SOX6: variants seen among roughly 807,000 people sequenced by gnomAD.
SOX6 encodes transcription factor SOX-6.
A neutral mutation model predicts 97.8 loss-of-function variants in SOX6; 11 were observed. That is an observed-to-expected ratio of 0.11 (90% CI 0.07 to 0.19). The LOEUF (loss-of-function observed/expected upper bound fraction) is 0.19. SOX6 is among the 10% of genes least tolerant of loss of function. The probability of loss-of-function intolerance (pLI) is 1.00; values close to 1 mark genes in which losing one functional copy is unlikely to be tolerated. For missense variants in SOX6, 810 were observed against 1,039.5 expected (o/e 0.78, Z 3.04); for synonymous variants, 360 against 371.4 (o/e 0.97, Z 0.35).
chr11:16,213,696 T>A (rs1852290715), intron 4 of SOX6, among the ~76,000 whole-genome samples: 1 of 152,156 alleles, frequency 6.6e-6, no homozygotes, highest in Non-Finnish European at 1.5e-5. Flanking sequence ...TAAGTTATGA[T>A]CCATTCCCAC....
chr11:16,633,792 C>T (rs1001263026), intron 3 of SOX6, among the ~76,000 whole-genome samples: 1 of 152,222 alleles, frequency 6.6e-6, no homozygotes, highest in South Asian at 2.1e-4. Flanking sequence ...ATATATGGGG[C>T]CGACTAAAAT....
At chr11:16,199,109 C>A (rs1851865608) in intron 4 of SOX6, among the ~76,000 whole-genome samples, 2 of 152,034 alleles carry the variant, frequency 1.3e-5, no homozygotes, top group Non-Finnish European at 2.9e-5. Context: ...TGATAGACGG[C>A]CAAAGAAATT....
At chr11:16,539,696 T>C (rs1861371765) in intron 4 of SOX6, among the ~76,000 whole-genome samples, 1 of 152,160 alleles carries the variant, frequency 6.6e-6, no homozygotes, top group South Asian at 2.1e-4. Context: ...TAAACACCTC[T>C]ATGCAAATAA....
At chr11:16,025,679 GA>G (rs564658424) in intron 12 of SOX6, among the ~76,000 whole-genome samples, 98 of 152,202 alleles carry the variant, frequency 6.4e-4, no homozygotes, top group African/African-American at 2.2e-3. Flanking sequence ...ATTTTCTTTA[GA>G]AATATAGCTT....
At chr11:16,468,846 G>C (rs1321398183) in intron 1 of SOX6, among the ~76,000 whole-genome samples, 1 of 152,142 alleles carries the variant, frequency 6.6e-6, no homozygotes, top group African/African-American at 2.4e-5. Flanking sequence ...GAAATGCCTA[G>C]CTCAGGCTGT....
At chr11:16,111,723 C>G in intron 7 of SOX6, 80 bp downstream of exon 7, 5 of 1,539,614 alleles carry the variant, frequency 3.2e-6, no homozygotes, top group Non-Finnish European at 4.5e-6. Flanking sequence ...CTGGCATGCT[C>G]CTGTGTTTGT....
intron 2 of SOX6, among the ~76,000 whole-genome samples, chr11:16,334,716 C>A (rs909349873): frequency 6.6e-6 from 1 of 152,082 alleles, no homozygotes; most frequent in African/African-American, 2.4e-5. Flanking sequence ...GTATGAGCCA[C>A]CACGCCTAGC....
At chr11:16,538,987 T>C (rs909453978) in intron 4 of SOX6, among the ~76,000 whole-genome samples, 19 of 152,202 alleles carry the variant, frequency 1.2e-4, no homozygotes, top group African/African-American at 4.6e-4. Flanking sequence ...AATAGACATC[T>C]ACAGAACTCT....
intron 3 of SOX6, among the ~76,000 whole-genome samples, chr11:16,619,456 A>G (rs1264773594): frequency 6.6e-6 from 1 of 152,018 alleles, no homozygotes; most frequent in Non-Finnish European, 1.5e-5. Flanking sequence ...TCCACTAGAG[A>G]AACCAAATAA....
At chr11:16,547,636 T>C (rs1847636980) in intron 4 of SOX6, among the ~76,000 whole-genome samples, 2 of 151,962 alleles carry the variant, frequency 1.3e-5, no homozygotes, top group African/African-American at 2.4e-5. Context: ...GAATGTGTGA[T>C]TGGGAGGGTG....
chr11:16,530,014 A>C (rs777941419), intron 4 of SOX6, among the ~76,000 whole-genome samples: 17 of 152,072 alleles, frequency 1.1e-4, no homozygotes, highest in Non-Finnish European at 2.4e-4. Flanking sequence ...ACACAGCATA[A>C]AATCTCATTT....
rs971446881 is a variant in SOX6 at position 16,660,288 on chromosome 11, A to T, written n.430-48028T>A. Among the ~76,000 whole-genome samples the T allele has an allele frequency of 2.0e-5, 3 of 152,108 alleles. No individual in the cohort carries two copies. The East Asian group carries it at 5.8e-4, about 29-fold the overall frequency. On this transcript the variant is annotated intron_variant and non_coding_transcript_variant, in intron 3 of 5. Coordinates refer to the SOX6 transcript ENST00000524520. ...TCACTGCATCCCACAAATTTTGATA[A>T]GTTGCATTTTTATTTTAATTTACCT...
intron 2 of SOX6, among the ~76,000 whole-genome samples, chr11:16,323,754 T>C (rs1429987755): frequency 6.6e-6 from 1 of 152,144 alleles, no homozygotes; most frequent in Non-Finnish European, 1.5e-5. Flanking sequence ...TGCATGTAAT[T>C]GTCATATCTG....
intron 1 of SOX6, among the ~76,000 whole-genome samples, chr11:16,423,450 G>GT (rs1408944200): frequency 4.6e-5 from 7 of 152,068 alleles, no homozygotes; most frequent in African/African-American, 1.7e-4. Flanking sequence ...TGTCTGTTTT[G>GT]TTTCACTTCA....
At chr11:16,080,177 A>G (rs1424095309) in intron 9 of SOX6, among the ~76,000 whole-genome samples, 1 of 151,358 alleles carries the variant, frequency 6.6e-6, no homozygotes, top group East Asian at 1.9e-4. Context: ...TACAATGTAT[A>G]CATAGATCAA....
intron 3 of SOX6, among the ~76,000 whole-genome samples, chr11:16,267,079 T>C (rs1165554387): frequency 6.6e-6 from 1 of 151,432 alleles, no homozygotes; most frequent in Non-Finnish European, 1.5e-5. Context: ...CTTGAAACTA[T>C]AAAACTCCTA....
chr11:16,506,930 G>A (rs568016956), intron 4 of SOX6, among the ~76,000 whole-genome samples: 2 of 152,184 alleles, frequency 1.3e-5, no homozygotes, highest in East Asian at 1.9e-4. Context: ...CAGGCATGGT[G>A]GCGAATACCT....
chr11:16,368,908 C>G (rs574765948), intron 1 of SOX6, among the ~76,000 whole-genome samples: 2 of 152,082 alleles, frequency 1.3e-5, no homozygotes, highest in Non-Finnish European at 2.9e-5. Context: ...CCCAATTCAA[C>G]AATGAGCAAA....
chr11:16,462,941 G>C (rs1859960185), intron 1 of SOX6, among the ~76,000 whole-genome samples: 1 of 152,190 alleles, frequency 6.6e-6, no homozygotes, highest in African/African-American at 2.4e-5. Context: ...TTTCTAGAGA[G>C]AACTATCACC....
Sources: gnomAD v4.1 joint callset for allele counts (sites outside exome capture counted in the v4.1 genomes callset) on GRCh38, gnomAD v4.1.1 for gene constraint, MANE v1.5 for transcripts, NCBI Gene and HGNC (gene_info 2026-07-23, HGNC 2026-07-21) for gene names.